The following DUSP16 variants were observed in gnomAD, a reference collection of about 807,000 sequenced individuals.
DUSP16 encodes dual specificity phosphatase 16, also known as dual specificity protein phosphatase 16.
DUSP16 carries 21 observed loss-of-function variants against 58.3 expected under a neutral mutation model. That is an observed-to-expected ratio of 0.36 (90% confidence interval 0.26 to 0.52). The LOEUF (loss-of-function observed/expected upper bound fraction) is 0.52. DUSP16 is among the 20% of genes least tolerant of loss of function. DUSP16 has a pLI of 0.94. For synonymous variants in DUSP16, 320 were observed against 323.8 expected (o/e 0.99, Z 0.12); for missense variants, 726 against 819.0 (o/e 0.89, Z 1.39).
chr12:12,504,385 C>T (rs932848396), intron 3 of DUSP16, among the ~76,000 whole-genome samples: 1 of 152,000 alleles, frequency 6.6e-6, no homozygotes, highest in Non-Finnish European at 1.5e-5. Context: ...CCTCAGCTTC[C>T]CGAGTAGCCA....
chr12:12,500,454 GTAACTGCTGT>G, intron 4 of DUSP16, 55 bp downstream of exon 4: 2 of 1,499,698 alleles, frequency 1.3e-6, no homozygotes, highest in Non-Finnish European at 1.8e-6. Flanking sequence ...GACATAATGG[GTAACTGCTGT>G]TTCTCCAGCT....
At chr12:12,537,640 G>C (rs1482737695) in intron 1 of DUSP16, among the ~76,000 whole-genome samples, 2 of 152,140 alleles carry the variant, frequency 1.3e-5, no homozygotes, top group Non-Finnish European at 2.9e-5. Flanking sequence ...CCACGGCATA[G>C]ACCCTAAAAA....
In DUSP16 at chr12:12,500,655, A is replaced by T. The variant is rs758111835; in HGVS notation, c.395T>A (p.Phe132Tyr). The T allele has an allele frequency of 1.9e-6, 3 of 1,602,726 alleles. No individual in the cohort carries two copies. The highest frequency in any genetic ancestry group is 1.7e-6 in the Non-Finnish European group (2 of 1,175,778). The change falls in exon 4 of 7, where the codon TTC becomes TAC. Residue 132 changes from phenylalanine (F) to tyrosine (Y), a missense_variant. Physicochemically the swap from Phe to Tyr is conservative, Grantham distance 22. Coordinates refer to ENST00000298573, the MANE Select transcript of DUSP16 (RefSeq NM_030640.3). ...AGGFAEFSRC[F>Y]PGLCEGKSTL... The stretch of plus-strand genomic sequence containing the variant: ...GGATTTTCCTTCACAGAGGCCAGGG[A>T]AACAACGAGAGAACTCAGCAAACCC...
chr12:12,510,768 G>C (rs1944065886), intron 3 of DUSP16, among the ~76,000 whole-genome samples: 1 of 152,194 alleles, frequency 6.6e-6, no homozygotes. Context: ...ACTTTGCCTG[G>C]TAGCTAGGGA....
chr12:12,540,960 T>C (rs1944549050), intron 1 of DUSP16, among the ~76,000 whole-genome samples: 2 of 138,494 alleles, frequency 1.4e-5, no homozygotes, highest in Admixed American at 7.1e-5. Flanking sequence ...TTTTTTTTTT[T>C]TTTTTTTTTT....
At chr12:12,503,224 C>CTTTTTT (rs34349090) in intron 3 of DUSP16, among the ~76,000 whole-genome samples, 1 of 115,434 alleles carries the variant, frequency 8.7e-6, no homozygotes, top group Non-Finnish European at 1.8e-5. Flanking sequence ...CTGGTTATTG[C>CTTTTTT]TTTTTTTTTT....
In DUSP16 at chr12:12,521,074, G is replaced by T; in HGVS notation, c.25C>A (p.Gln9Lys). The T allele has an allele frequency of 6.2e-7, 1 of 1,614,078 alleles. No individual in the cohort carries two copies. The highest frequency in any genetic ancestry group is 1.6e-4 in the Middle Eastern group (1 of 6,062). Reference protein sequence around the residue: MAHEMIGTQIVTERLVALL... With the variant: MAHEMIGTKIVTERLVALL... ...GCCACCAACCTCTCAGTAACAATTTGAGTTCCAATCATCTCATGGGCCATG... is the reference window on the plus strand; with the variant it reads ...GCCACCAACCTCTCAGTAACAATTTTAGTTCCAATCATCTCATGGGCCATG... The change falls in exon 2 of 7, where the codon CAA becomes AAA. Residue 9 changes from glutamine to lysine, a missense_variant. Coordinates refer to ENST00000298573, the MANE Select transcript of DUSP16 (RefSeq NM_030640.3).
chr12:12,476,462 A>G lies in DUSP16; in HGVS notation c.*371T>C, dbSNP rs2136183059. ...AGGTGTACTATGGAAGGGTCCGGAC[A>G]AAGACTAATATTTGAGATCTCTTAG... On this transcript the variant is annotated 3_prime_UTR_variant, in exon 7 of 7. Coordinates refer to ENST00000298573, the MANE Select transcript of DUSP16 (RefSeq NM_030640.3). 1 of 180,640 alleles carries G rather than the reference A, an allele frequency of 5.5e-6. No individual in the cohort carries two copies. Among genetic ancestry groups the G allele is most frequent in the African/African-American group, 2.4e-5 (1 of 42,010 alleles). 11.2% of individuals were successfully genotyped at this position (180,640 alleles called of 1,614,324 possible).
chr12:12,541,110 C>T, intron 1 of DUSP16, among the ~76,000 whole-genome samples: 1 of 151,868 alleles, frequency 6.6e-6, no homozygotes, highest in East Asian at 1.9e-4. Flanking sequence ...ATGTGCACAC[C>T]ATCACGCCTG....
At position 12,477,062 on chromosome 12, in the gene DUSP16, C is replaced by T. The variant is rs771063689; in HGVS notation, c.1769G>A (p.Cys590Tyr). ...SAYSCSQLPT[C>Y]GDQVYSVRRR... ...GCGCACAGAATAGACTTGGTCTCCGCAAGTGGGCAGCTGGCTGCAGCTGTA... is the reference window on the plus strand; with the variant it reads ...GCGCACAGAATAGACTTGGTCTCCGTAAGTGGGCAGCTGGCTGCAGCTGTA... Residue 590 changes from cysteine to tyrosine, a missense_variant, in exon 7 of 7, where the codon TGC becomes TAC. Transcript: ENST00000298573. This position sits in a 1 kb window ranked among gnomAD's most constrained non-coding sequence, Gnocchi z 4.1. 1.2e-6 allele frequency: 2 copies of T among 1,614,266 alleles called. No individual in the cohort carries two copies. Among genetic ancestry groups the T allele is most frequent in the Admixed American group, 3.3e-5 (2 of 60,036 alleles).
At chr12:12,478,664 G>C (rs1044528139) in intron 6 of DUSP16, among the ~76,000 whole-genome samples, 1 of 151,896 alleles carries the variant, frequency 6.6e-6, no homozygotes, top group African/African-American at 2.4e-5. Flanking sequence ...CACCACCAAG[G>C]ACACCCCTGA....
intron 1 of DUSP16, among the ~76,000 whole-genome samples, chr12:12,546,881 C>G (rs1374626671): frequency 2.6e-5 from 4 of 152,088 alleles, no homozygotes; most frequent in Non-Finnish European, 5.9e-5. Context: ...CTATAAGACA[C>G]AAAAAATTAA....
chr12:12,477,793 GGTA>G lies in DUSP16; in HGVS notation c.1035_1037del (p.Thr346del), dbSNP rs771045052. ...CGGGCCTTTGTCCTGCTGCCTCTGA[GGTA>G]GCAGAGTCGGCACAGGGTGGACTGA... On this transcript the variant is annotated inframe_deletion, in exon 7 of 7. Transcript: ENST00000298573. This position sits in a 1 kb window ranked among gnomAD's most constrained non-coding sequence, Gnocchi z 4.1. 2.4e-5 allele frequency: 38 copies of G among 1,614,044 alleles called. No individual in the cohort carries two copies. The Admixed American group carries it at 4.8e-4, about 21-fold the overall frequency.
intron 1 of DUSP16, among the ~76,000 whole-genome samples, chr12:12,532,041 C>A (rs376278518): frequency 2.0e-5 from 3 of 151,926 alleles, no homozygotes; most frequent in Non-Finnish European, 4.4e-5. Context: ...GCCTGTGGTC[C>A]CAGCTACTCG....
chr12:12,477,242 T>C lies in DUSP16; in HGVS notation c.1589A>G (p.Lys530Arg), dbSNP rs766780801. Residue 530 changes from lysine to arginine, a missense_variant, in exon 7 of 7, where the codon AAG (lysine) becomes AGG (arginine). By Grantham distance (26) the Lys-to-Arg change is conservative. Coordinates refer to ENST00000298573, the MANE Select transcript of DUSP16 (RefSeq NM_030640.3). This position sits in a 1 kb window ranked among gnomAD's most constrained non-coding sequence, Gnocchi z 4.1. ...GCCCTTAAGGCCCAGGCCAGCAGAC[T>C]TCGTGAGGTGCTGCTGGCTGGTGGA... The part of the protein sequence containing the change: ...GLSTSQQHLT[K>R]SAGLGLKGWH... 1.1e-5 allele frequency: 18 copies of C among 1,614,188 alleles called. No individual in the cohort carries two copies. The highest frequency in any genetic ancestry group is 1.4e-5 in the Non-Finnish European group (17 of 1,180,032).
intron 1 of DUSP16, among the ~76,000 whole-genome samples, chr12:12,532,333 C>T (rs550322549): frequency 2.0e-4 from 31 of 152,044 alleles, no homozygotes; most frequent in Non-Finnish European, 4.0e-4. Flanking sequence ...CATTTAAAAA[C>T]GATGGTGTAA....
At chr12:12,501,981 C>A (rs1242528746) in intron 3 of DUSP16, among the ~76,000 whole-genome samples, 1 of 152,042 alleles carries the variant, frequency 6.6e-6, no homozygotes, top group South Asian at 2.1e-4. Context: ...CAGAGCAACA[C>A]TCCGTCTCAA....
At position 12,477,928 on chromosome 12, in the gene DUSP16, C is replaced by A; in HGVS notation, c.903G>T (p.Gln301His). Residue 301 changes from glutamine to histidine, a missense_variant, in exon 7 of 7, where the codon CAG becomes CAT. Coordinates refer to ENST00000298573, the MANE Select transcript of DUSP16 (RefSeq NM_030640.3). This position sits in a 1 kb window ranked among gnomAD's most constrained non-coding sequence, Gnocchi z 4.1. ...LLDYEKKIKN[Q>H]TGASGPKSKL... ...TGCTCTTTGGCCCTGATGCTCCAGTCTGGTTCTTAATCTTCTTCTCATAGT... is the reference window on the plus strand; with the variant it reads ...TGCTCTTTGGCCCTGATGCTCCAGTATGGTTCTTAATCTTCTTCTCATAGT... The A allele has an allele frequency of 6.2e-7, 1 of 1,614,192 alleles. No individual in the cohort carries two copies. Among genetic ancestry groups the A allele is most frequent in the Non-Finnish European group, 8.5e-7 (1 of 1,180,044 alleles).
intron 4 of DUSP16, among the ~76,000 whole-genome samples, chr12:12,487,498 A>G (rs77338612): frequency 0.013 from 2,015 of 152,300 alleles, 54 homozygotes; most frequent in African/African-American, 0.045. Flanking sequence ...AGAAAACAAC[A>G]GTTTATATGA....
Sources: gnomAD v4.1 joint callset for allele counts (sites outside exome capture counted in the v4.1 genomes callset) on GRCh38, gnomAD v4.1.1 for gene constraint, Gnocchi (gnomAD v3.1) non-coding constraint, MANE v1.5 for transcripts, NCBI Gene and HGNC (gene_info 2026-07-23, HGNC 2026-07-21) for gene names.